The following EIF4G3 variants were observed in gnomAD, a reference collection of about 807,000 sequenced individuals.
EIF4G3 encodes eukaryotic translation initiation factor 4 gamma 3, also known as eIF-4-gamma 3.
Under a neutral mutation model 186.4 loss-of-function variants are expected in EIF4G3, and 34 were observed. That is an observed-to-expected ratio of 0.18 (90% CI 0.14 to 0.24). The LOEUF (loss-of-function observed/expected upper bound fraction) is 0.24. EIF4G3 is among the 10% of genes least tolerant of loss of function. EIF4G3 has a pLI of 1.00. For missense variants in EIF4G3, 1,536 were observed against 1,948.5 expected, an observed-to-expected ratio of 0.79 and a Z score of 3.99; for synonymous variants, 673 against 679.5, an observed-to-expected ratio of 0.99 and a Z score of 0.15.
intron 33 of EIF4G3, among the ~76,000 whole-genome samples, chr1:20,823,610 A>T (rs2062922930): frequency 6.6e-6 from 1 of 152,090 alleles, no homozygotes; most frequent in Non-Finnish European, 1.5e-5. Flanking sequence ...CCTGGCTTCA[A>T]GAGATTCTCT....
chr1:20,824,580 A>G (rs143860900), intron 33 of EIF4G3, among the ~76,000 whole-genome samples: 57 of 152,334 alleles, frequency 3.7e-4, no homozygotes, highest in African/African-American at 1.2e-3. Flanking sequence ...TATACTGATC[A>G]TGGGGTCTTC....
intron 33 of EIF4G3, 143 bp from the exon 34 acceptor site, chr1:20,817,681 G>GTTTTT (rs34471464): frequency 4.0e-5 from 6 of 149,976 alleles, no homozygotes; most frequent in South Asian, 1.8e-4. Context: ...TATGTTTGTA[G>GTTTTT]TTTTTTTTTT....
At chr1:21,063,577 C>T (rs2095047940) in intron 3 of EIF4G3, among the ~76,000 whole-genome samples, 2 of 151,642 alleles carry the variant, frequency 1.3e-5, no homozygotes, top group South Asian at 4.2e-4. Flanking sequence ...GGACAGAAAT[C>T]GGTGGTGCAC....
chr1:20,993,071 T>C (rs1324991913), intron 7 of EIF4G3, among the ~76,000 whole-genome samples: 1 of 152,208 alleles, frequency 6.6e-6, no homozygotes, highest in African/African-American at 2.4e-5. Flanking sequence ...AAACTGTAAT[T>C]CTAAAAGCTC....
At chr1:20,924,655 T>A (rs1200176833) in intron 14 of EIF4G3, among the ~76,000 whole-genome samples, 1 of 152,186 alleles carries the variant, frequency 6.6e-6, no homozygotes, top group Non-Finnish European at 1.5e-5. Flanking sequence ...CAACTCAGCC[T>A]CCCCAGTTCA....
At chr1:21,168,926 C>T (rs746481004) in intron 2 of EIF4G3, among the ~76,000 whole-genome samples, 3 of 152,008 alleles carry the variant, frequency 2.0e-5, no homozygotes, top group Non-Finnish European at 4.4e-5. Flanking sequence ...GCCTGTAATC[C>T]CAGAACTTTG....
At chr1:20,885,391 G>C (rs1472782219) in intron 19 of EIF4G3, among the ~76,000 whole-genome samples, 2 of 152,196 alleles carry the variant, frequency 1.3e-5, no homozygotes, top group Admixed American at 1.3e-4. Flanking sequence ...TTATAGTTGA[G>C]ATTAAGAACC....
chr1:20,986,436 G>C (rs1279230820), intron 7 of EIF4G3, among the ~76,000 whole-genome samples: 1 of 152,084 alleles, frequency 6.6e-6, no homozygotes, highest in African/African-American at 2.4e-5. Flanking sequence ...CTCATATAGA[G>C]GATTTTGTAG....
intron 2 of EIF4G3, among the ~76,000 whole-genome samples, chr1:21,112,911 T>C (rs184278751): frequency 1.8e-4 from 28 of 152,262 alleles, no homozygotes; most frequent in Admixed American, 4.6e-4. Context: ...AAAAAAAGTT[T>C]TGAAAAATCA....
intron 2 of EIF4G3, among the ~76,000 whole-genome samples, chr1:21,172,356 C>G (rs1237954723): frequency 6.6e-6 from 1 of 152,162 alleles, no homozygotes; most frequent in Admixed American, 6.6e-5. Context: ...GTACTTGCCT[C>G]ATGACGTTTT....
chr1:20,900,548 A>G (rs2089965528), intron 15 of EIF4G3, among the ~76,000 whole-genome samples: 1 of 151,882 alleles, frequency 6.6e-6, no homozygotes, highest in Non-Finnish European at 1.5e-5. Context: ...AAAAAAAAAG[A>G]GAAATCTGGG....
chr1:21,043,870 C>CAAAAA lies in EIF4G3; in HGVS notation c.-67+6991_-67+6995dup, dbSNP rs1427967397. Among the ~76,000 whole-genome samples the CAAAAA allele has an allele frequency of 3.3e-4, 46 of 141,048 alleles. 2 individuals are homozygous for CAAAAA. The East Asian group carries it at 8.3e-3, about 25-fold the overall frequency. The allele number at this position is 141,048 out of a possible 152,430, so 92.5% of individuals were successfully genotyped here. ...TGGGTGACAGAGTGAAACCTTGGCGCAAAAAAAAAAAAAGGAAGGATGGAA... is the reference window on the plus strand; with the variant it reads ...TGGGTGACAGAGTGAAACCTTGGCGCAAAAAAAAAAAAAAAAAAGGAAGGATGGAA... On this transcript the variant is annotated intron_variant, in intron 4 of 36. Coordinates refer to ENST00000602326, the MANE Select transcript of EIF4G3 (RefSeq NM_001391906.1).
chr1:21,057,330 G>A (rs2094604267), intron 3 of EIF4G3, among the ~76,000 whole-genome samples: 1 of 151,892 alleles, frequency 6.6e-6, no homozygotes, highest in South Asian at 2.1e-4. Context: ...TACAGAAACA[G>A]AATAAAAAAC....
intron 14 of EIF4G3, chr1:20,941,116 C>T: frequency 9.6e-7 from 1 of 1,042,874 alleles, no homozygotes; most frequent in Non-Finnish European, 1.3e-6. Context: ...TCTAGGAAGA[C>T]AGAATTAGGG....
At chr1:21,047,276 A>T (rs1412637675) in intron 4 of EIF4G3, among the ~76,000 whole-genome samples, 1 of 152,208 alleles carries the variant, frequency 6.6e-6, no homozygotes, top group Admixed American at 6.5e-5. Flanking sequence ...TTGTCTTAAG[A>T]CCACCCTCCC....
intron 14 of EIF4G3, among the ~76,000 whole-genome samples, chr1:20,919,110 C>T (rs552882026): frequency 6.6e-5 from 10 of 152,074 alleles, no homozygotes; most frequent in Non-Finnish European, 1.2e-4. Context: ...TTATTAGATG[C>T]TTTGTTTTCT....
chr1:20,992,770 A>C (rs532549817), intron 7 of EIF4G3, among the ~76,000 whole-genome samples: 1 of 152,292 alleles, frequency 6.6e-6, no homozygotes, highest in South Asian at 2.1e-4. Context: ...TATATAACCA[A>C]CACTTGATCT....
At chr1:20,892,688 T>C (rs1273749834) in intron 18 of EIF4G3, 4 of 1,536,120 alleles carry the variant, frequency 2.6e-6, no homozygotes, top group Non-Finnish European at 3.5e-6. Flanking sequence ...CTTTGCTCTG[T>C]TCCAGAATTG....
intron 20 of EIF4G3, among the ~76,000 whole-genome samples, chr1:20,871,226 T>C (rs1278536465): frequency 6.6e-6 from 1 of 152,216 alleles, no homozygotes; most frequent in Non-Finnish European, 1.5e-5. Context: ...TAACAACTGC[T>C]CTAAACAATG....
Sources: allele counts gnomAD v4.1 joint callset (sites outside exome capture counted in the v4.1 genomes callset), GRCh38; gene constraint gnomAD v4.1.1; transcripts MANE v1.5; gene names NCBI Gene and HGNC (gene_info 2026-07-23, HGNC 2026-07-21).